GLP1R: variants seen among roughly 807,000 people sequenced by gnomAD.
GLP1R encodes the protein glucagon-like peptide 1 receptor.
A neutral mutation model predicts 68.4 loss-of-function variants in GLP1R; 32 were observed. The ratio of observed to expected loss-of-function variants is 0.47; its 90% confidence interval spans 0.35 to 0.63. The LOEUF (loss-of-function observed/expected upper bound fraction) is 0.63. GLP1R is among the 20% of genes least tolerant of loss of function. The pLI is 0.00. For missense variants in GLP1R, 502 were observed against 594.9 expected, an observed-to-expected ratio of 0.84 and a Z score of 1.62; for synonymous variants, 263 against 244.4, an observed-to-expected ratio of 1.08 and a Z score of -0.71.
rs372644691 is a variant in GLP1R, at chr6:39,079,513, A to T, written c.1044-51A>T. The T allele has an allele frequency of 6.2e-5, 94 of 1,513,714 alleles. No individual in the cohort carries two copies. The highest frequency in any genetic ancestry group is 7.9e-5 in the Non-Finnish European group (89 of 1,127,100). 93.8% of individuals were successfully genotyped at this position (1,513,714 alleles called of 1,614,324 possible). ...GGGGAGGGTAGAGAAAGGGAAGAAG[A>T]GTCCATGGGAGAGGTCCAGAATGAC... On this transcript the variant is annotated intron_variant, in intron 10 of 12. Coordinates refer to ENST00000373256, the MANE Select transcript of GLP1R (RefSeq NM_002062.5). The surrounding 1 kb of genome is among the most constrained non-coding windows in gnomAD (Gnocchi z 4.5).
At chr6:39,059,211 CTT>C (rs896825482) in intron 3 of GLP1R, among the ~76,000 whole-genome samples, 2 of 152,362 alleles carry the variant, frequency 1.3e-5, no homozygotes, top group African/African-American at 4.8e-5. Context: ...GTGCTACACT[CTT>C]TTCATCCTCA....
At position 39,086,166 on chromosome 6, in the gene GLP1R, GACACACACACACACAC is replaced by G. The variant is rs34093988; in HGVS notation, c.*117_*132del. 34 of 582,742 alleles carry G rather than the reference GACACACACACACACAC, an allele frequency of 5.8e-5. No individual in the cohort carries two copies. The highest frequency in any genetic ancestry group is 4.6e-4 in the Middle Eastern group (1 of 2,168). The allele number at this position is 582,742 out of a possible 1,614,324, so 36.1% of individuals were successfully genotyped here. ...ACTCCCAGGGACAAGGGAAGGAAGG[GACACACACACACACAC>G]ACACACACACACACACACACACATA... is the stretch of plus-strand genomic sequence containing the variant. On this transcript the variant is annotated 3_prime_UTR_variant, in exon 13 of 13. Coordinates refer to ENST00000373256, the MANE Select transcript of GLP1R (RefSeq NM_002062.5). The surrounding 1 kb of genome is among the most constrained non-coding windows in gnomAD (Gnocchi z 4.5).
At position 39,049,713 on chromosome 6, in the gene GLP1R, A is replaced by G. The variant is rs545991304; in HGVS notation, c.78+795A>G. On this transcript the variant is annotated intron_variant, in intron 1 of 12. Transcript: ENST00000373256. This position sits in a 1 kb window ranked among gnomAD's most constrained non-coding sequence, Gnocchi z 4.5. ...AACACCTGGGCTCCTTGGTGCCACCAGAGAGCAGGCCACAGGTGGACCACC... is the reference window on the plus strand; with the variant it reads ...AACACCTGGGCTCCTTGGTGCCACCGGAGAGCAGGCCACAGGTGGACCACC... 6.6e-6 allele frequency among the ~76,000 whole-genome samples: 1 copy of G among 152,300 alleles called. No individual in the cohort carries two copies. Among genetic ancestry groups the G allele is most frequent in the South Asian group, 2.1e-4 (1 of 4,818 alleles).
At chr6:39,074,114 G>A (rs746160880) in intron 7 of GLP1R, among the ~76,000 whole-genome samples, 14 of 152,152 alleles carry the variant, frequency 9.2e-5, no homozygotes, top group Non-Finnish European at 1.2e-4. Flanking sequence ...CAGCCCGAGG[G>A]CCTGAGGGAA....
Position 39,079,746 on chromosome 6 carries a change from G to C in GLP1R, c.1182+44G>C. Reference sequence around the variant, plus strand: ...ACACTTGCTTGTAAAGTCCTAGAGTGGGGGTGGGACAGACACCAGCCTGCA... The same window carrying C: ...ACACTTGCTTGTAAAGTCCTAGAGTCGGGGTGGGACAGACACCAGCCTGCA... On this transcript the variant is annotated intron_variant, in intron 11 of 12. Transcript: ENST00000373256. This position sits in a 1 kb window ranked among gnomAD's most constrained non-coding sequence, Gnocchi z 4.5. The C allele has an allele frequency of 9.0e-6, 14 of 1,562,984 alleles. No individual in the cohort carries two copies. Among genetic ancestry groups the C allele is most frequent in the Non-Finnish European group, 1.2e-5 (14 of 1,138,282 alleles).
chr6:39,064,022 G>A (rs562731146), intron 3 of GLP1R, among the ~76,000 whole-genome samples: 2 of 136,434 alleles, frequency 1.5e-5, no homozygotes, highest in Non-Finnish European at 3.1e-5. Context: ...TTTTTTTTGA[G>A]GCAGAGTCTC....
intron 3 of GLP1R, among the ~76,000 whole-genome samples, chr6:39,063,667 A>C (rs1296441958): frequency 6.6e-6 from 1 of 152,062 alleles, no homozygotes; most frequent in East Asian, 1.9e-4. Flanking sequence ...AAGGAGGAGA[A>C]GAAAGAGCAG....
Position 39,080,792 on chromosome 6 carries a change from C to T in GLP1R, c.1224+53C>T, listed in dbSNP as rs372291735. ...CCCTGGTGGGTGGGTACCATCAGCC[C>T]GTCTGGAGTAGTACAATGGGGACTC... On this transcript the variant is annotated intron_variant, in intron 12 of 12. Coordinates refer to ENST00000373256, the MANE Select transcript of GLP1R (RefSeq NM_002062.5). The T allele has an allele frequency of 1.0e-5, 12 of 1,163,074 alleles. 1 individual carries two copies. The highest frequency in any genetic ancestry group is 4.2e-4 in the Middle Eastern group (2 of 4,772). The allele number at this position is 1,163,074 out of a possible 1,614,324, so 72.0% of individuals were successfully genotyped here.
At chr6:39,065,414 A>T (rs908925337) in intron 3 of GLP1R, among the ~76,000 whole-genome samples, 14 of 152,330 alleles carry the variant, frequency 9.2e-5, no homozygotes, top group Admixed American at 5.2e-4. Flanking sequence ...GCATGAATTC[A>T]TTAAACTGTG....
intron 8 of GLP1R, 150 bp downstream of exon 8, chr6:39,078,532 T>TCCCTGC (rs759058979): frequency 2.6e-4 from 173 of 674,934 alleles, no homozygotes; most frequent in Non-Finnish European, 3.6e-4. Flanking sequence ...TAATCTCCCC[T>TCCCTGC]CCCTGCCCCT....
In GLP1R at chr6:39,086,029, GGCA is replaced by G. The variant is rs746456945; in HGVS notation, c.1355_1357del (p.Ser452del). 25 of 1,613,878 alleles carry G rather than the reference GGCA, an allele frequency of 1.5e-5. No homozygotes were observed. The highest frequency in any genetic ancestry group is 5.9e-6 in the Non-Finnish European group (7 of 1,179,958). On this transcript the variant is annotated inframe_deletion, in exon 13 of 13. Transcript: ENST00000373256. The surrounding 1 kb of genome is among the most constrained non-coding windows in gnomAD (Gnocchi z 4.5). ...CAGCCTGAGCAGTGGAGCCACGGCGGGCAGCAGCATGTACACAGCCACTTGCCA... is the reference window on the plus strand; with the variant it reads ...CAGCCTGAGCAGTGGAGCCACGGCGGGCAGCATGTACACAGCCACTTGCCA...
In GLP1R at chr6:39,057,532, C is replaced by T. The variant is rs1415707619; in HGVS notation, c.236C>T (p.Ser79Leu). Residue 79 changes from serine (S) to leucine (L), a missense_variant, in exon 3 of 13, where the codon TCG becomes TTG. Transcript: ENST00000373256. ...YACWPDGEPG[S>L]FVNVSCPWYL... ...TGCTGGCCAGATGGGGAGCCAGGCTCGTTCGTGAATGTCAGCTGCCCCTGG... is the reference window on the plus strand; with the variant it reads ...TGCTGGCCAGATGGGGAGCCAGGCTTGTTCGTGAATGTCAGCTGCCCCTGG... 4.3e-6 allele frequency: 7 copies of T among 1,613,318 alleles called. No individual in the cohort carries two copies. The highest frequency in any genetic ancestry group is 1.7e-5 in the Admixed American group (1 of 59,992).
chr6:39,072,779 G>A, intron 5 of GLP1R, 83 bp from the exon 6 acceptor site: 1 of 1,191,572 alleles, frequency 8.4e-7, no homozygotes, highest in Non-Finnish European at 1.2e-6. Flanking sequence ...CATGCCTAAT[G>A]TGTGTGTTAG....
At chr6:39,078,935 G>A (rs1188426495) in intron 8 of GLP1R, 22 bp from the exon 9 acceptor site, 1 of 1,598,676 alleles carries the variant, frequency 6.3e-7, no homozygotes, top group Admixed American at 1.7e-5. Context: ...GGATGCATGT[G>A]TGCATCTCTC....
chr6:39,085,081 C>T (rs946990855), intron 12 of GLP1R, among the ~76,000 whole-genome samples: 13 of 152,146 alleles, frequency 8.5e-5, no homozygotes, highest in African/African-American at 2.7e-4. Context: ...CTAGGCCTCT[C>T]CAGGGACCAG....
Position 39,064,505 on chromosome 6 carries a change from G to C in GLP1R, c.284-1206G>C, listed in dbSNP as rs189027746. Among the ~76,000 whole-genome samples, 125 of 152,178 alleles carry C rather than the reference G, an allele frequency of 8.2e-4. No individual in the cohort carries two copies. The Middle Eastern group carries it at 0.017, about 21-fold the overall frequency. On this transcript the variant is annotated intron_variant, in intron 3 of 12. Transcript: ENST00000373256. ...GTCCTGGCTGCAGCTTCTCTCCTTG[G>C]TCCCCCTGTTCTTCCTACAGGTCAA... is the stretch of plus-strand genomic sequence containing the variant.
chr6:39,078,351 G>T lies in GLP1R; in HGVS notation c.853G>T (p.Gly285Cys). Residue 285 changes from glycine (G) to cysteine (C), a missense_variant, in exon 8 of 13, where the codon GGC becomes TGC. By Grantham distance (159) the Gly-to-Cys change is radical (BLOSUM62 -3). Transcript: ENST00000373256. ...GVPLLFVVPW[G>C]IVKYLYEDEG... ...TCCCCTGCTGTTTGTTGTCCCCTGG[G>T]GCATTGTCAAGTACCTCTATGAGGA... 1.9e-6 allele frequency: 3 copies of T among 1,613,160 alleles called. No homozygotes were observed. The highest frequency in any genetic ancestry group is 2.5e-6 in the Non-Finnish European group (3 of 1,179,162).
chr6:39,064,283 G>A (rs1282800997), intron 3 of GLP1R, among the ~76,000 whole-genome samples: 1 of 152,034 alleles, frequency 6.6e-6, no homozygotes, highest in Non-Finnish European at 1.5e-5. Flanking sequence ...AGGATTACAG[G>A]CATGAGCCAC....
intron 5 of GLP1R, among the ~76,000 whole-genome samples, chr6:39,072,600 A>G (rs1472292181): frequency 2.0e-5 from 3 of 152,252 alleles, no homozygotes; most frequent in Non-Finnish European, 4.4e-5. Flanking sequence ...GTGTCAAAGA[A>G]GATGCTGCAG....
Sources: allele counts gnomAD v4.1 joint callset (sites outside exome capture counted in the v4.1 genomes callset), GRCh38; gene constraint gnomAD v4.1.1; non-coding constraint Gnocchi (gnomAD v3.1); transcripts MANE v1.5; gene names NCBI Gene and HGNC (gene_info 2026-07-23, HGNC 2026-07-21).